EEFSEC: variants seen among roughly 807,000 people sequenced by gnomAD.
The protein encoded by EEFSEC is eukaryotic elongation factor, selenocysteine-tRNA specific.
Under a neutral mutation model 42.1 loss-of-function variants are expected in EEFSEC, and 43 were observed. The ratio of observed to expected loss-of-function variants is 1.02; its 90% CI spans 0.80 to 1.32. The LOEUF is 1.32. EEFSEC is among the 40% of genes most tolerant of loss of function. EEFSEC has a pLI of 0.00. For synonymous variants in EEFSEC, 354 were observed against 339.1 expected, an observed-to-expected ratio of 1.04 and a Z score of -0.48; for missense variants, 745 against 803.6, an observed-to-expected ratio of 0.93 and a Z score of 0.88.
intron 6 of EEFSEC, among the ~76,000 whole-genome samples, chr3:128,378,819 G>T (rs2067739523): frequency 1.3e-5 from 2 of 152,200 alleles, no homozygotes; most frequent in Admixed American, 1.3e-4. Context: ...CCACAGGGAG[G>T]CCCGAAGCCA....
chr3:128,370,825 A>G (rs995170496), intron 6 of EEFSEC, among the ~76,000 whole-genome samples: 5 of 152,206 alleles, frequency 3.3e-5, no homozygotes, highest in Admixed American at 2.6e-4. Flanking sequence ...AAGAGCATGG[A>G]GTGACTGCTC....
intron 1 of EEFSEC, among the ~76,000 whole-genome samples, chr3:128,184,361 C>A (rs1206749690): frequency 6.6e-6 from 1 of 152,190 alleles, no homozygotes; most frequent in East Asian, 1.9e-4. Context: ...CTCCCACCAG[C>A]TCCTGGCCAC....
At chr3:128,366,475 G>T (rs2067591698) in intron 6 of EEFSEC, among the ~76,000 whole-genome samples, 3 of 152,226 alleles carry the variant, frequency 2.0e-5, no homozygotes, top group Non-Finnish European at 4.4e-5. Context: ...CCCCAGTTCT[G>T]CAGAGGAGGA....
At chr3:128,386,656 G>A (rs985151331) in intron 6 of EEFSEC, among the ~76,000 whole-genome samples, 1 of 152,148 alleles carries the variant, frequency 6.6e-6, no homozygotes, top group Non-Finnish European at 1.5e-5. Context: ...AGGAAGTATG[G>A]CACCCGTATC....
At chr3:128,414,070 C>G in the EEFSEC span, among the ~76,000 whole-genome samples, 1 of 152,386 alleles carries the variant, frequency 6.6e-6, no homozygotes, top group African/African-American at 2.4e-5. Flanking sequence ...CTTCCTCTGC[C>G]TCTCTCTGGT....
chr3:128,418,475 C>A, the EEFSEC span, among the ~76,000 whole-genome samples: 1 of 152,028 alleles, frequency 6.6e-6, no homozygotes, highest in Non-Finnish European at 1.5e-5. Context: ...CCCAATCTGA[C>A]CTTCCCCCAT....
chr3:128,307,190 C>G (rs1265301219), intron 4 of EEFSEC, among the ~76,000 whole-genome samples: 1 of 152,258 alleles, frequency 6.6e-6, no homozygotes, highest in Non-Finnish European at 1.5e-5. Context: ...TTTCCCAAGG[C>G]TGGCAGGCAC....
At chr3:128,192,737 T>C (rs1360135768) in intron 1 of EEFSEC, among the ~76,000 whole-genome samples, 1 of 152,202 alleles carries the variant, frequency 6.6e-6, no homozygotes, top group Non-Finnish European at 1.5e-5. Flanking sequence ...CATATATTTG[T>C]TGGGGGAGGA....
the EEFSEC span, among the ~76,000 whole-genome samples, chr3:128,423,523 T>C: frequency 1.3e-5 from 2 of 152,034 alleles, no homozygotes; most frequent in Non-Finnish European, 2.9e-5. Flanking sequence ...AGTACTGCTA[T>C]GCACTGCAGC....
chr3:128,173,328 A>G (rs1467088832), intron 1 of EEFSEC, among the ~76,000 whole-genome samples: 1 of 152,188 alleles, frequency 6.6e-6, no homozygotes, highest in Non-Finnish European at 1.5e-5. Context: ...TTCACTCCCT[A>G]AGGCAGGGCT....
intron 1 of EEFSEC, among the ~76,000 whole-genome samples, chr3:128,241,199 CTCTTTTTT>C (rs2066066648): frequency 9.2e-6 from 1 of 108,144 alleles, no homozygotes; most frequent in Admixed American, 9.8e-5. Context: ...CTCTCTCTCT[CTCTTTTTT>C]TTTTTTTTTT....
chr3:128,350,977 T>C (rs2067378176), intron 5 of EEFSEC, among the ~76,000 whole-genome samples: 2 of 152,192 alleles, frequency 1.3e-5, no homozygotes, highest in Non-Finnish European at 2.9e-5. Flanking sequence ...CCTGGTGGCT[T>C]TCAAGTGGCC....
intron 5 of EEFSEC, among the ~76,000 whole-genome samples, chr3:128,350,231 C>T (rs1177808321): frequency 2.6e-5 from 4 of 152,252 alleles, no homozygotes; most frequent in Non-Finnish European, 4.4e-5. Context: ...AGGGAGCGTG[C>T]TGGCCTGGGG....
At chr3:128,320,155 G>A (rs2066991416) in intron 4 of EEFSEC, among the ~76,000 whole-genome samples, 1 of 152,240 alleles carries the variant, frequency 6.6e-6, no homozygotes, top group African/African-American at 2.4e-5. Flanking sequence ...GGCCTCCAAA[G>A]CCTAAACTGC....
At chr3:128,189,918 A>G (rs1474798273) in intron 1 of EEFSEC, among the ~76,000 whole-genome samples, 1 of 151,990 alleles carries the variant, frequency 6.6e-6, no homozygotes, top group Non-Finnish European at 1.5e-5. Flanking sequence ...GCTGGAGTGC[A>G]GTGGCACGAT....
chr3:128,160,814 A>G (rs939361188), intron 1 of EEFSEC, among the ~76,000 whole-genome samples: 1 of 152,164 alleles, frequency 6.6e-6, no homozygotes, highest in Admixed American at 6.5e-5. Context: ...GCGCACACAC[A>G]CACACACACA....
At chr3:128,164,084 G>C (rs920279900) in intron 1 of EEFSEC, among the ~76,000 whole-genome samples, 6 of 152,166 alleles carry the variant, frequency 3.9e-5, no homozygotes, top group Non-Finnish European at 8.8e-5. Context: ...GATGTGCCTG[G>C]CCCATGGAGA....
intron 4 of EEFSEC, among the ~76,000 whole-genome samples, chr3:128,282,609 G>A (rs1273031820): frequency 6.6e-6 from 1 of 152,180 alleles, no homozygotes; most frequent in Non-Finnish European, 1.5e-5. Flanking sequence ...GCCCTAGAGT[G>A]TACACAGCTT....
chr3:128,216,969 G>A (rs2065817015), intron 1 of EEFSEC, among the ~76,000 whole-genome samples: 1 of 152,166 alleles, frequency 6.6e-6, no homozygotes. Context: ...ACGTACATAT[G>A]TAGCTCAAGT....
Sources: gnomAD v4.1 joint callset for allele counts (sites outside exome capture counted in the v4.1 genomes callset) on GRCh38, gnomAD v4.1.1 for gene constraint, MANE v1.5 for transcripts, NCBI Gene and HGNC (gene_info 2026-07-23, HGNC 2026-07-21) for gene names.